The following DMD variants were observed in gnomAD, a reference collection of about 807,000 sequenced individuals.
DMD encodes dystrophin.
Under a neutral mutation model 330.1 loss-of-function variants are expected in DMD, and 63 were observed. The observed-to-expected ratio is 0.19, with a 90% CI of 0.16 to 0.24. The LOEUF is 0.24. DMD is among the 10% of genes least tolerant of loss of function. DMD has a pLI of 1.00. For synonymous variants in DMD, 1,223 were observed against 959.8 expected, an observed-to-expected ratio of 1.27 and a Z score of -5.07; for missense variants, 3,344 against 2,684.1, an observed-to-expected ratio of 1.25 and a Z score of -5.43.
At chrX:32,498,456 T>G (rs1442175574) in intron 19 of DMD, among the ~76,000 whole-genome samples, 1 of 110,898 alleles carries the variant, frequency 9.0e-6, no homozygotes, top group African/African-American at 3.3e-5. Context: ...GTAGCTTCTC[T>G]TTTTAGTCTA....
Position 33,107,949 on chromosome X carries a change from T to A in DMD, c.32-87749A>T, listed in dbSNP as rs1254642381. Among the ~76,000 whole-genome samples the A allele has an allele frequency of 5.4e-5, 6 of 111,434 alleles. No individual in the cohort carries two copies. In the East Asian group the frequency reaches 1.7e-3, roughly 32 times the overall value. On this transcript the variant is annotated intron_variant, in intron 1 of 78. Coordinates refer to ENST00000357033, the MANE Select transcript of DMD (RefSeq NM_004006.3). ...ATTTCTACTGATAGATTATGACTTTTAAAAAATTGGTTTATAATTAAGGAA... is the reference window on the plus strand; with the variant it reads ...ATTTCTACTGATAGATTATGACTTTAAAAAAATTGGTTTATAATTAAGGAA...
At chrX:31,228,501 A>C (rs1011844353) in intron 63 of DMD, among the ~76,000 whole-genome samples, 1 of 111,536 alleles carries the variant, frequency 9.0e-6, no homozygotes, top group Non-Finnish European at 1.9e-5. Context: ...GGAAGAGATA[A>C]GTCTCTGCCT....
At chrX:32,474,196 T>C (rs1457705810) in intron 21 of DMD, among the ~76,000 whole-genome samples, 3 of 39,746 alleles carry the variant, frequency 7.5e-5, no homozygotes, top group African/African-American at 2.0e-4. Flanking sequence ...CCATCATATA[T>C]ACATACATAC....
intron 2 of DMD, among the ~76,000 whole-genome samples, chrX:32,956,074 G>A (rs1245728451): frequency 9.1e-6 from 1 of 110,213 alleles, no homozygotes; most frequent in Non-Finnish European, 1.9e-5. Flanking sequence ...CTAGTTCTCT[G>A]AAGAATCTCA....
intron 44 of DMD, among the ~76,000 whole-genome samples, chrX:32,172,408 A>G (rs1242595270): frequency 8.9e-6 from 1 of 112,245 alleles, no homozygotes; most frequent in Non-Finnish European, 1.9e-5. Context: ...ATTTATGTAG[A>G]GGAATGTAAT....
At chrX:32,514,112 A>C (rs1333754916) in intron 18 of DMD, among the ~76,000 whole-genome samples, 2 of 110,478 alleles carry the variant, frequency 1.8e-5, no homozygotes, top group African/African-American at 3.3e-5. Flanking sequence ...ATTTTTGACA[A>C]TCTGGATATA....
chrX:33,015,409 G>A (rs1446967878), intron 2 of DMD, among the ~76,000 whole-genome samples: 1 of 110,987 alleles, frequency 9.0e-6, no homozygotes, highest in African/African-American at 3.3e-5. Flanking sequence ...AAATGATGCA[G>A]GAACAGAAAA....
chrX:31,475,825 T>A (rs2067698958), intron 59 of DMD, among the ~76,000 whole-genome samples: 1 of 111,625 alleles, frequency 9.0e-6, no homozygotes, highest in Admixed American at 9.5e-5. Context: ...AATGAAGAGC[T>A]ATGCAATTCA....
At chrX:32,894,789 C>G (rs1222545942) in intron 2 of DMD, among the ~76,000 whole-genome samples, 4 of 112,252 alleles carry the variant, frequency 3.6e-5, no homozygotes, top group African/African-American at 1.3e-4. Context: ...GATTACCTAT[C>G]TTACTGGTTA....
intron 55 of DMD, among the ~76,000 whole-genome samples, chrX:31,624,419 TATG>T (rs1312051187): frequency 2.7e-5 from 3 of 112,142 alleles, no homozygotes; most frequent in African/African-American, 9.7e-5. Context: ...ATATTACATG[TATG>T]TTTAAAGAAT....
At chrX:32,561,872 T>C (rs953891804) in intron 16 of DMD, among the ~76,000 whole-genome samples, 17 of 111,644 alleles carry the variant, frequency 1.5e-4, no homozygotes, top group African/African-American at 4.2e-4. Context: ...CCAGTAGAGA[T>C]TGGGGGCTAA....
At chrX:32,328,081 T>A (rs1639025104) in intron 41 of DMD, among the ~76,000 whole-genome samples, 1 of 111,749 alleles carries the variant, frequency 8.9e-6, no homozygotes, top group Admixed American at 9.6e-5. Flanking sequence ...TAATTATTAG[T>A]CATTATGATC....
At chrX:31,434,409 A>AGCGCGC (rs1235059344) in intron 60 of DMD, among the ~76,000 whole-genome samples, 44 of 61,272 alleles carry the variant, frequency 7.2e-4, no homozygotes, top group African/African-American at 2.8e-3. Context: ...CCCTTACTGC[A>AGCGCGC]GCGCGCGCGC....
rs772193713 is a variant in DMD at position 32,308,091 on chromosome X, G to GTA, written c.6117+1989_6117+1990dup. On this transcript the variant is annotated intron_variant, in intron 42 of 78. Coordinates refer to ENST00000357033, the MANE Select transcript of DMD (RefSeq NM_004006.3). ...TTTCCACATATGTATATATATATAC[G>GTA]TATATATATATGTTTGTGTTTATCT... is the stretch of plus-strand genomic sequence containing the variant. Among the ~76,000 whole-genome samples, 19 of 109,277 alleles carry GTA rather than the reference G, an allele frequency of 1.7e-4. No homozygotes were observed. In the East Asian group the frequency reaches 4.3e-3, roughly 25 times the overall value. The allele number at this position is 109,277 out of a possible 115,157, so 94.9% of individuals were successfully genotyped here.
chrX:32,965,843 T>C (rs969737209), intron 2 of DMD, among the ~76,000 whole-genome samples: 1 of 112,135 alleles, frequency 8.9e-6, no homozygotes, highest in African/African-American at 3.2e-5. Flanking sequence ...AGTAACTATA[T>C]GCTTTAATCA....
chrX:31,561,997 T>C (rs1315622180), intron 55 of DMD, among the ~76,000 whole-genome samples: 1 of 112,404 alleles, frequency 8.9e-6, no homozygotes, highest in African/African-American at 3.2e-5. Flanking sequence ...TAACCTAGTA[T>C]ATATCTCTCC....
chrX:31,627,999 C>T, intron 54 of DMD, 137 bp from the exon 55 acceptor site: 1 of 591,173 alleles, frequency 1.7e-6, no homozygotes, highest in Non-Finnish European at 2.8e-6. Flanking sequence ...ACAGCTCTTC[C>T]TTTAAGCAAC....
At chrX:31,371,551 C>T (rs1222008187) in intron 60 of DMD, among the ~76,000 whole-genome samples, 1 of 110,186 alleles carries the variant, frequency 9.1e-6, no homozygotes, top group African/African-American at 3.3e-5. Flanking sequence ...GAGTAGTGTC[C>T]GGTGAAAGGC....
At chrX:32,775,986 A>G (rs1362100089) in intron 7 of DMD, among the ~76,000 whole-genome samples, 1 of 112,195 alleles carries the variant, frequency 8.9e-6, no homozygotes, top group Non-Finnish European at 1.9e-5. Flanking sequence ...TTTCAGAAAA[A>G]GTCAAGTCAC....
Sources: gnomAD v4.1 joint callset for allele counts (sites outside exome capture counted in the v4.1 genomes callset) on GRCh38, gnomAD v4.1.1 for gene constraint, MANE v1.5 for transcripts, NCBI Gene and HGNC (gene_info 2026-07-23, HGNC 2026-07-21) for gene names.